Variants in ZBTB26 observed in about 807,000 individuals in gnomAD.
ZBTB26 encodes zinc finger and BTB domain-containing protein 26.
In ZBTB26, 12 loss-of-function variants were observed where a neutral mutation model predicts 31.6. The observed-to-expected ratio is 0.38, with a 90% CI of 0.24 to 0.61. The LOEUF (loss-of-function observed/expected upper bound fraction) is 0.61. Among genes scored for constraint, ZBTB26 ranks in the 20% least tolerant of loss-of-function variants. ZBTB26 has a pLI of 0.60. For synonymous variants in ZBTB26, 155 were observed against 182.9 expected, an observed-to-expected ratio of 0.85 and a Z score of 1.23; for missense variants, 311 against 521.9, an observed-to-expected ratio of 0.60 and a Z score of 3.94.
At chr9:122,921,540 T>C (rs758772220) in intron 1 of ZBTB26, among the ~76,000 whole-genome samples, 1 of 152,344 alleles carries the variant, frequency 6.6e-6, no homozygotes, top group Middle Eastern at 3.4e-3. Flanking sequence ...CAGCTCCTGA[T>C]GGCAGAGTCC....
intron 1 of ZBTB26, among the ~76,000 whole-genome samples, chr9:122,925,236 G>C (rs986251427): frequency 2.7e-4 from 41 of 152,168 alleles, no homozygotes; most frequent in Middle Eastern, 3.4e-3. Context: ...AGCTGGGCGT[G>C]GTGTCATGCG....
intron 1 of ZBTB26, 124 bp downstream of exon 1, chr9:122,931,313 G>A (rs1833281674): frequency 6.6e-6 from 1 of 151,998 alleles, no homozygotes; most frequent in African/African-American, 2.4e-5. Context: ...AAGTCCCCAG[G>A]GGCCTAGGCC....
chr9:122,923,799 G>A (rs1416426609), intron 1 of ZBTB26, among the ~76,000 whole-genome samples: 1 of 152,166 alleles, frequency 6.6e-6, no homozygotes, highest in African/African-American at 2.4e-5. Flanking sequence ...CTGGAGTGTA[G>A]TTTCATTTAG....
chr9:122,923,048 G>A (rs1316874462), intron 1 of ZBTB26, among the ~76,000 whole-genome samples: 1 of 151,982 alleles, frequency 6.6e-6, no homozygotes, highest in Admixed American at 6.6e-5. Flanking sequence ...ACCCGGCATG[G>A]TGGCGGGCGC....
At chr9:122,923,777 A>G (rs2131539130) in intron 1 of ZBTB26, among the ~76,000 whole-genome samples, 1 of 152,300 alleles carries the variant, frequency 6.6e-6, no homozygotes, top group South Asian at 2.1e-4. Context: ...TCCTTGCTCT[A>G]AAGATGAAGA....
At chr9:122,921,456 A>G (rs1331082069) in intron 1 of ZBTB26, among the ~76,000 whole-genome samples, 1 of 152,236 alleles carries the variant, frequency 6.6e-6, no homozygotes, top group African/African-American at 2.4e-5. Flanking sequence ...CAGATGAGAC[A>G]ACCAGCTTCT....
In ZBTB26 at chr9:122,916,732, A is replaced by G. The variant is rs1833021886; in HGVS notation, c.*1877T>C. ...GCATAAGGTACCTATTAGTCTTACCACTCAACTGTATTATCATTTTAAATA... is the reference window on the plus strand; with the variant it reads ...GCATAAGGTACCTATTAGTCTTACCGCTCAACTGTATTATCATTTTAAATA... On this transcript the variant is annotated 3_prime_UTR_variant, in exon 2 of 2. Coordinates refer to ENST00000373656, the MANE Select transcript of ZBTB26 (RefSeq NM_020924.4). 6.6e-6 allele frequency: 1 copy of G among 152,210 alleles called. No individual in the cohort carries two copies. The highest frequency in any genetic ancestry group is 6.5e-5 in the Admixed American group (1 of 15,276). 9.4% of individuals were successfully genotyped at this position (152,210 alleles called of 1,614,324 possible).
chr9:122,924,938 G>A (rs1833155018), intron 1 of ZBTB26, among the ~76,000 whole-genome samples: 1 of 152,072 alleles, frequency 6.6e-6, no homozygotes, highest in African/African-American at 2.4e-5. Context: ...TTACAGGCAT[G>A]AACCTGTTTT....
chr9:122,922,978 G>A (rs550524192), intron 1 of ZBTB26, among the ~76,000 whole-genome samples: 2 of 152,210 alleles, frequency 1.3e-5, no homozygotes, highest in African/African-American at 4.8e-5. Flanking sequence ...GAGGTCAGGA[G>A]ATCCAGACCA....
At chr9:122,929,243 G>T (rs1427529616) in intron 1 of ZBTB26, among the ~76,000 whole-genome samples, 1 of 152,154 alleles carries the variant, frequency 6.6e-6, no homozygotes, top group African/African-American at 2.4e-5. Flanking sequence ...GAAAGTGGAA[G>T]AAATTAACCT....
At chr9:122,929,379 C>T (rs1385547549) in intron 1 of ZBTB26, among the ~76,000 whole-genome samples, 1 of 152,170 alleles carries the variant, frequency 6.6e-6, no homozygotes, top group African/African-American at 2.4e-5. Flanking sequence ...TATCAATGAG[C>T]CTCTCTTTGC....
Position 122,918,356 on chromosome 9 carries a change from C to G in ZBTB26, c.*253G>C. The G allele has an allele frequency of 2.1e-6, 1 of 475,732 alleles. No homozygotes were observed. The highest frequency in any genetic ancestry group is 3.7e-6 in the Non-Finnish European group (1 of 270,890). 29.5% of individuals were successfully genotyped at this position (475,732 alleles called of 1,614,324 possible). A position where few individuals can be genotyped will look rare whatever the true frequency, so the allele number is the denominator to read the frequency against. On this transcript the variant is annotated 3_prime_UTR_variant, in exon 2 of 2. Coordinates refer to ENST00000373656, the MANE Select transcript of ZBTB26 (RefSeq NM_020924.4). Reference sequence around the variant, plus strand: ...AAGACATAAGTCAATGTTAGGTAGACAAAAGGAATTATTCCTTGGGAAAGG... The same window carrying G: ...AAGACATAAGTCAATGTTAGGTAGAGAAAAGGAATTATTCCTTGGGAAAGG...
Position 122,919,475 on chromosome 9 carries a change from C to T in ZBTB26, c.460G>A (p.Asp154Asn), listed in dbSNP as rs138924821. The T allele has an allele frequency of 2.7e-5, 44 of 1,614,076 alleles. No homozygotes were observed. Among genetic ancestry groups the T allele is most frequent in the Non-Finnish European group, 3.5e-5 (41 of 1,180,040 alleles). ...TCCTGCTTTGGGGAGCCTCTGGCAT[C>T]TCCCTGCTGTTCTTTTGACTGGGGA... The part of the protein sequence containing the change: ...ASPQSKEQQG[D>N]ARGSPKQDSP... The change falls in exon 2 of 2, where the codon GAT becomes AAT. Residue 154 changes from aspartate to asparagine, a missense_variant. By Grantham distance (23) the Asp-to-Asn change is conservative. Coordinates refer to ENST00000373656, the MANE Select transcript of ZBTB26 (RefSeq NM_020924.4). The surrounding 1 kb of genome is among the most constrained non-coding windows in gnomAD (Gnocchi z 6.1).
chr9:122,918,591 T>C lies in ZBTB26; in HGVS notation c.*18A>G. On this transcript the variant is annotated 3_prime_UTR_variant, in exon 2 of 2. Transcript: ENST00000373656. ...CCACATTGTCAGTCAGTTCGAGTTG[T>C]GAGCATGAAGCCCCTACTCAATTCA... The C allele has an allele frequency of 6.3e-7, 1 of 1,597,056 alleles. No individual in the cohort carries two copies. Among genetic ancestry groups the C allele is most frequent in the Non-Finnish European group, 8.5e-7 (1 of 1,172,470 alleles).
chr9:122,929,577 G>C (rs1242634856), intron 1 of ZBTB26, among the ~76,000 whole-genome samples: 1 of 152,166 alleles, frequency 6.6e-6, no homozygotes, highest in Non-Finnish European at 1.5e-5. Flanking sequence ...GGTTGTTATG[G>C]AAAATAAATG....
At chr9:122,923,148 C>T (rs1417099478) in intron 1 of ZBTB26, among the ~76,000 whole-genome samples, 1 of 138,076 alleles carries the variant, frequency 7.2e-6, no homozygotes, top group African/African-American at 2.7e-5. Flanking sequence ...TGCGCCTCTG[C>T]ACTCCAGCCT....
chr9:122,925,510 T>C (rs554167632), intron 1 of ZBTB26, among the ~76,000 whole-genome samples: 1 of 152,104 alleles, frequency 6.6e-6, no homozygotes, highest in Non-Finnish European at 1.5e-5. Context: ...CCAACGGAGG[T>C]TGAAAGTGTT....
intron 1 of ZBTB26, among the ~76,000 whole-genome samples, chr9:122,923,490 C>T (rs1833132755): frequency 6.6e-6 from 1 of 152,200 alleles, no homozygotes; most frequent in Admixed American, 6.5e-5. Context: ...AAACTATTAT[C>T]ATTGGTCACT....
chr9:122,923,428 A>C (rs1833132298), intron 1 of ZBTB26, among the ~76,000 whole-genome samples: 2 of 152,190 alleles, frequency 1.3e-5, no homozygotes, highest in Non-Finnish European at 1.5e-5. Flanking sequence ...ATCAAACATG[A>C]AGGGAAAATG....
Sources: gnomAD v4.1 joint callset for allele counts (sites outside exome capture counted in the v4.1 genomes callset) on GRCh38, gnomAD v4.1.1 for gene constraint, Gnocchi (gnomAD v3.1) non-coding constraint, MANE v1.5 for transcripts, NCBI Gene and HGNC (gene_info 2026-07-23, HGNC 2026-07-21) for gene names.